Variants in AK4 observed in about 807,000 individuals in gnomAD.
The protein encoded by AK4 is adenylate kinase 4.
A neutral mutation model predicts 24.6 loss-of-function variants in AK4; 13 were observed. The observed-to-expected ratio is 0.53, with a 90% CI of 0.34 to 0.84. AK4 has a LOEUF of 0.84. Among genes scored for constraint, AK4 ranks in the 40% least tolerant of loss-of-function variants. AK4 has a pLI of 0.01. For synonymous variants in AK4, 88 were observed against 107.0 expected (o/e 0.82, Z 1.10); for missense variants, 192 against 288.2 (o/e 0.67, Z 2.42).
rs1281170323 is a variant in AK4, at chr1:65,227,242, G to A, written c.*1065G>A. 1 of 135,470 alleles carries A rather than the reference G, an allele frequency of 7.4e-6. No homozygotes were observed. Among genetic ancestry groups the A allele is most frequent in the Non-Finnish European group, 1.6e-5 (1 of 63,140 alleles). The allele number at this position is 135,470 out of a possible 1,614,324, so 8.4% of individuals were successfully genotyped here. A position where few individuals can be genotyped will look rare whatever the true frequency, so the allele number is the denominator to read the frequency against. On this transcript the variant is annotated 3_prime_UTR_variant, in exon 5 of 5. Transcript: ENST00000327299. ...GTGCTGCTAACTATTGATGCTGACA[G>A]TGTTTCACTCCTATGAGTGACCCAA... is the stretch of plus-strand genomic sequence containing the variant.
At chr1:65,179,700 T>A (rs1331150789) in intron 1 of AK4, among the ~76,000 whole-genome samples, 1 of 152,074 alleles carries the variant, frequency 6.6e-6, no homozygotes, top group Non-Finnish European at 1.5e-5. Flanking sequence ...CCAGGCATGG[T>A]GGCATGTGCC....
chr1:65,202,253 C>T (rs913073713), intron 2 of AK4, among the ~76,000 whole-genome samples: 5 of 151,852 alleles, frequency 3.3e-5, no homozygotes, highest in African/African-American at 4.8e-5. Context: ...AAAAATTAGC[C>T]GGGCGTGGTT....
intron 1 of AK4, among the ~76,000 whole-genome samples, chr1:65,168,265 G>T (rs1266775994): frequency 6.6e-6 from 1 of 150,724 alleles, no homozygotes; most frequent in Non-Finnish European, 1.5e-5. Context: ...TCCTGCCTCA[G>T]CCTCCCAAGT....
rs7521374 is a variant in AK4, at chr1:65,161,531, C to T, written c.145+12979C>T. Among the ~76,000 whole-genome samples, 1,285 of 152,286 alleles carry T rather than the reference C, an allele frequency of 8.4e-3. 14 individuals carry two copies. Among genetic ancestry groups the T allele is most frequent in the African/African-American group, 0.029 (1,221 of 41,558 alleles). Reference sequence around the variant, plus strand: ...TTCTTTAATCTCTCGAAGTCCATTTCTACTCTCATTGCTTCCATGAAGCCT... The same window carrying T: ...TTCTTTAATCTCTCGAAGTCCATTTTTACTCTCATTGCTTCCATGAAGCCT... On this transcript the variant is annotated intron_variant, in intron 1 of 4. Coordinates refer to ENST00000327299, the MANE Select transcript of AK4 (RefSeq NM_013410.4).
At chr1:65,157,970 T>C (rs1031975247) in intron 1 of AK4, among the ~76,000 whole-genome samples, 5 of 152,170 alleles carry the variant, frequency 3.3e-5, no homozygotes, top group African/African-American at 1.2e-4. Flanking sequence ...ACAGCATACC[T>C]GAAACTCCTC....
Position 65,224,860 on chromosome 1 carries a change from GA to G in AK4, c.549del (p.Glu183AspfsTer68), listed in dbSNP as rs1337404950. 1 of 1,612,504 alleles carries G rather than the reference GA, an allele frequency of 6.2e-7. No individual in the cohort carries two copies. ...QYKDVAKPVI[E>X]LYKSRGVLHQ... ...CAAAGACGTGGCAAAGCCAGTCATTGAATTATACAAGTGAGTGTGCTTCAAT... is the reference window on the plus strand; with the variant it reads ...CAAAGACGTGGCAAAGCCAGTCATTGATTATACAAGTGAGTGTGCTTCAAT... On this transcript the variant is annotated frameshift_variant, in exon 4 of 5. Coordinates refer to ENST00000327299, the MANE Select transcript of AK4 (RefSeq NM_013410.4). LOFTEE classifies it high-confidence loss of function.
intron 2 of AK4, among the ~76,000 whole-genome samples, chr1:65,193,792 T>C (rs1426372602): frequency 6.6e-6 from 1 of 152,252 alleles, no homozygotes; most frequent in African/African-American, 2.4e-5. Context: ...CCCAGTGATA[T>C]GGAGGCCCGA....
chr1:65,203,818 A>AC (rs2101060855), intron 2 of AK4, among the ~76,000 whole-genome samples: 1 of 152,176 alleles, frequency 6.6e-6, no homozygotes, highest in East Asian at 1.9e-4. Context: ...AGAAAAAAAA[A>AC]ATCACCCCTC....
chr1:65,154,690 A>G, intron 1 of AK4: 1 of 361,776 alleles, frequency 2.8e-6, no homozygotes, highest in Non-Finnish European at 5.6e-6. Context: ...CATCTACCCA[A>G]TACAAAACCA....
rs144858227 is a variant in AK4, at chr1:65,230,145, C to T, written c.*3968C>T. 1 of 152,294 alleles carries T rather than the reference C, an allele frequency of 6.6e-6. No individual in the cohort carries two copies. Among genetic ancestry groups the T allele is most frequent in the East Asian group, 1.9e-4 (1 of 5,176 alleles). The allele number at this position is 152,294 out of a possible 1,614,324, so 9.4% of individuals were successfully genotyped here. On this transcript the variant is annotated 3_prime_UTR_variant, in exon 5 of 5. Coordinates refer to ENST00000327299, the MANE Select transcript of AK4 (RefSeq NM_013410.4). Reference sequence around the variant, plus strand: ...TGTCTTGTCCTTCCCCAGGGATCACCCCCCTGCTGCCCTCTAGCAGCCAAA... The same window carrying T: ...TGTCTTGTCCTTCCCCAGGGATCACTCCCCTGCTGCCCTCTAGCAGCCAAA...
intron 2 of AK4, among the ~76,000 whole-genome samples, chr1:65,197,460 C>A (rs983009421): frequency 6.6e-6 from 1 of 152,110 alleles, no homozygotes; most frequent in South Asian, 2.1e-4. Context: ...ATAATGATAA[C>A]CTTTAGCACG....
At chr1:65,186,855 A>G (rs1651116321) in intron 1 of AK4, among the ~76,000 whole-genome samples, 1 of 152,236 alleles carries the variant, frequency 6.6e-6, no homozygotes, top group African/African-American at 2.4e-5. Flanking sequence ...CACACAATGT[A>G]TATGAACATT....
chr1:65,212,869 A>G (rs1046903899), intron 2 of AK4, among the ~76,000 whole-genome samples: 5 of 152,222 alleles, frequency 3.3e-5, no homozygotes. Flanking sequence ...TAACTTCTCT[A>G]TCCACCTCAT....
chr1:65,177,007 G>A (rs928698841), intron 1 of AK4, among the ~76,000 whole-genome samples: 2 of 152,086 alleles, frequency 1.3e-5, no homozygotes, highest in East Asian at 1.9e-4. Context: ...TTGTACTTTC[G>A]AGCTCAAATC....
chr1:65,190,608 C>T, intron 1 of AK4, 102 bp from the exon 2 acceptor site: 7 of 1,332,156 alleles, frequency 5.3e-6, no homozygotes, highest in Non-Finnish European at 7.2e-6. Flanking sequence ...GGAATTTCTT[C>T]CCACATCAGG....
At chr1:65,217,307 G>T (rs1419020964) in intron 2 of AK4, among the ~76,000 whole-genome samples, 1 of 152,158 alleles carries the variant, frequency 6.6e-6, no homozygotes, top group Non-Finnish European at 1.5e-5. Context: ...CTGCAGTAAG[G>T]AAAGGAATTC....
rs767716911 is a variant in AK4, at chr1:65,175,284, G to A, written c.146-15426G>A. The stretch of plus-strand genomic sequence containing the variant: ...CTCTCCCTGTTCCCGTTTCCCTTCC[G>A]GAGGTTGCTGAGCAGCACACATTTT... On this transcript the variant is annotated intron_variant, in intron 1 of 4. Transcript: ENST00000327299. 2.6e-5 allele frequency among the ~76,000 whole-genome samples: 4 copies of A among 152,172 alleles called. No individual in the cohort carries two copies. In the East Asian group the frequency reaches 5.8e-4, roughly 22 times the overall value.
intron 2 of AK4, among the ~76,000 whole-genome samples, chr1:65,197,682 C>A (rs566761831): frequency 1.1e-3 from 166 of 152,298 alleles, no homozygotes; most frequent in Non-Finnish European, 2.1e-3. Context: ...TCACTTAGAG[C>A]CCTTGGTGTA....
rs139919714 is a variant in AK4, at chr1:65,225,149, A to T, written c.557+279A>T. On this transcript the variant is annotated intron_variant, in intron 4 of 4. Transcript: ENST00000327299. Reference sequence around the variant, plus strand: ...CATTGAGATTTATTTTCATTTTCTTAAAAATTTAAGTGACTGAGATAGTGG... The same window carrying T: ...CATTGAGATTTATTTTCATTTTCTTTAAAATTTAAGTGACTGAGATAGTGG... Among the ~76,000 whole-genome samples the T allele has an allele frequency of 6.9e-3, 1,045 of 152,290 alleles. 13 individuals carry two copies. The highest frequency in any genetic ancestry group is 0.024 in the African/African-American group (991 of 41,554).
Sources: allele counts gnomAD v4.1 joint callset (sites outside exome capture counted in the v4.1 genomes callset), GRCh38; gene constraint gnomAD v4.1.1; transcripts MANE v1.5; gene names NCBI Gene and HGNC (gene_info 2026-07-23, HGNC 2026-07-21).